NF2: variants seen among roughly 807,000 people sequenced by gnomAD.
NF2 encodes merlin.
In NF2, 8 loss-of-function variants were observed where a neutral mutation model predicts 83.7. The ratio of observed to expected loss-of-function variants is 0.10; its 90% CI spans 0.06 to 0.17. The LOEUF (loss-of-function observed/expected upper bound fraction) is 0.17. Among genes scored for constraint, NF2 ranks in the 10% least tolerant of loss-of-function variants. The pLI is 1.00. For missense variants in NF2, 533 were observed against 744.4 expected, an observed-to-expected ratio of 0.72 and a Z score of 3.31; for synonymous variants, 266 against 269.6, an observed-to-expected ratio of 0.99 and a Z score of 0.13.
chr22:29,622,315 C>A (rs2065235416), intron 1 of NF2, among the ~76,000 whole-genome samples: 1 of 152,172 alleles, frequency 6.6e-6, no homozygotes, highest in African/African-American at 2.4e-5. Context: ...CATTTTGAAT[C>A]AAGTGGACAT....
intron 15 of NF2, among the ~76,000 whole-genome samples, chr22:29,684,534 A>AT (rs1314225494): frequency 6.6e-6 from 1 of 152,224 alleles, no homozygotes; most frequent in Admixed American, 6.5e-5. Flanking sequence ...CAGGGTCCTG[A>AT]TTTTGACTGT....
intron 15 of NF2, chr22:29,682,929 C>G (rs1270837166): frequency 7.5e-6 from 11 of 1,467,938 alleles, no homozygotes; most frequent in Non-Finnish European, 1.0e-5. Flanking sequence ...CGATTTCAGG[C>G]CTATCCAAGC....
chr22:29,611,047 T>A (rs567959220), intron 1 of NF2, among the ~76,000 whole-genome samples: 2 of 152,202 alleles, frequency 1.3e-5, no homozygotes, highest in Non-Finnish European at 2.9e-5. Flanking sequence ...AATAATGTAA[T>A]GCATTATATC....
intron 14 of NF2, among the ~76,000 whole-genome samples, chr22:29,678,733 A>G (rs1295698785): frequency 1.3e-5 from 2 of 152,174 alleles, no homozygotes; most frequent in Non-Finnish European, 2.9e-5. Context: ...TGTCTAGAAC[A>G]AACAAAGGTG....
intron 13 of NF2, among the ~76,000 whole-genome samples, chr22:29,676,963 G>A (rs943530192): frequency 1.3e-5 from 2 of 152,180 alleles, no homozygotes; most frequent in Non-Finnish European, 2.9e-5. Flanking sequence ...ACCCAGATCA[G>A]AAAACAGGAC....
chr22:29,665,053 G>A lies in NF2; in HGVS notation c.874G>A (p.Val292Ile), dbSNP rs1442581021. Reference sequence around the variant, plus strand: ...CAAGTTTAACTCCTCAAAGCTTCGTGTTAATAAGCTGGTAAGTTGAGATCC... The same window carrying A: ...CAAGTTTAACTCCTCAAAGCTTCGTATTAATAAGCTGGTAAGTTGAGATCC... ...VFKFNSSKLR[V>I]NKLILQLCIG... The change falls in exon 9 of 16, where the codon GTT becomes ATT. Residue 292 changes from valine (V) to isoleucine (I), a missense_variant. This residue lies in a region of NF2 where 326 missense variants were observed against 475.1 expected (regional missense o/e 0.69). Coordinates refer to ENST00000338641, the MANE Select transcript of NF2 (RefSeq NM_000268.4). The A allele has an allele frequency of 5.0e-6, 8 of 1,612,894 alleles. No homozygotes were observed. The highest frequency in any genetic ancestry group is 6.8e-6 in the Non-Finnish European group (8 of 1,178,998).
At chr22:29,637,842 G>T (rs989987172) in intron 2 of NF2, among the ~76,000 whole-genome samples, 2 of 152,176 alleles carry the variant, frequency 1.3e-5, no homozygotes, top group Non-Finnish European at 2.9e-5. Flanking sequence ...AGTGCCACTG[G>T]GGGCCACTGT....
chr22:29,635,798 T>A (rs1187387226), intron 1 of NF2, among the ~76,000 whole-genome samples: 1 of 152,210 alleles, frequency 6.6e-6, no homozygotes, highest in Non-Finnish European at 1.5e-5. Context: ...ATTTCTATGA[T>A]GCATCTCATA....
chr22:29,616,658 C>T (rs2065088618), intron 1 of NF2, among the ~76,000 whole-genome samples: 1 of 151,620 alleles, frequency 6.6e-6, no homozygotes, highest in African/African-American at 2.4e-5. Flanking sequence ...AGGAGAATCA[C>T]TTGAACCTGG....
intron 13 of NF2, among the ~76,000 whole-genome samples, chr22:29,676,066 T>C (rs1229997161): frequency 2.6e-5 from 4 of 152,186 alleles, no homozygotes; most frequent in Non-Finnish European, 4.4e-5. Context: ...GCTGGGGATC[T>C]CTCTGGTGGT....
chr22:29,677,583 TGG>T (rs35161712), intron 13 of NF2, among the ~76,000 whole-genome samples: 45,791 of 150,770 alleles, frequency 0.3, 7,264 homozygotes, highest in Non-Finnish European at 0.36. Flanking sequence ...GGTGGGCCGG[TGG>T]GGAGCCCTTT....
chr22:29,652,568 G>T (rs541875056), intron 4 of NF2, among the ~76,000 whole-genome samples: 1 of 152,296 alleles, frequency 6.6e-6, no homozygotes, highest in African/African-American at 2.4e-5. Context: ...TCCCAAAAGT[G>T]CTGGGATTAC....
intron 8 of NF2, among the ~76,000 whole-genome samples, chr22:29,664,036 T>C (rs2066547443): frequency 6.6e-6 from 1 of 152,232 alleles, no homozygotes; most frequent in Non-Finnish European, 1.5e-5. Flanking sequence ...TTGATTCTAT[T>C]AACAGCTTTT....
Position 29,696,761 on chromosome 22 carries a change from C to A in NF2, c.*1959C>A, listed in dbSNP as rs887303163. 1 of 204,566 alleles carries A rather than the reference C, an allele frequency of 4.9e-6. No individual in the cohort carries two copies. The highest frequency in any genetic ancestry group is 7.2e-5 in the East Asian group (1 of 13,812). The allele number at this position is 204,566 out of a possible 1,614,324, so 12.7% of individuals were successfully genotyped here. ...CCCAGCCAGGAGCGGAAGCTTCAGG[C>A]GTTTGTAAAGTGAGGTCTGGCTCTG... On this transcript the variant is annotated 3_prime_UTR_variant, in exon 16 of 16. Coordinates refer to ENST00000338641, the MANE Select transcript of NF2 (RefSeq NM_000268.4).
chr22:29,638,983 T>C, intron 2 of NF2, 107 bp from the exon 3 acceptor site: 2 of 1,518,410 alleles, frequency 1.3e-6, no homozygotes. Context: ...ATGTGATAAA[T>C]TTAGTGGGAA....
chr22:29,618,694 T>C (rs1289390135), intron 1 of NF2, among the ~76,000 whole-genome samples: 1 of 152,266 alleles, frequency 6.6e-6, no homozygotes, highest in Non-Finnish European at 1.5e-5. Flanking sequence ...TAAGAGATCC[T>C]AATACTATCT....
Position 29,678,277 on chromosome 22 carries a change from A to G in NF2, c.1528A>G (p.Lys510Glu). ...LIGDSLSFDF[K>E]DTDMKRLSME... ...TGGTGACAGCCTGTCTTTCGACTTC[A>G]AAGATACTGACATGAAGCGGCTTTC... The change falls in exon 14 of 16, where the codon AAA (lysine) becomes GAA (glutamate). Residue 510 changes from lysine (K) to glutamate (E), a missense_variant. Lys to Glu is a moderately conservative substitution (Grantham distance 56). Around this residue, in one of 3 missense-constraint regions of NF2, gnomAD observed 199 missense variants for 240.7 expected, o/e 0.83. Transcript: ENST00000338641. 6.2e-7 allele frequency: 1 copy of G among 1,614,120 alleles called. No homozygotes were observed. Among genetic ancestry groups the G allele is most frequent in the Non-Finnish European group, 8.5e-7 (1 of 1,180,000 alleles).
At chr22:29,613,931 G>A (rs2065018270) in intron 1 of NF2, among the ~76,000 whole-genome samples, 1 of 150,646 alleles carries the variant, frequency 6.6e-6, no homozygotes, top group Non-Finnish European at 1.5e-5. Flanking sequence ...GCTAATTTTT[G>A]TATTTTTAGT....
chr22:29,611,085 G>C (rs1173448207), intron 1 of NF2, among the ~76,000 whole-genome samples: 1 of 152,166 alleles, frequency 6.6e-6, no homozygotes, highest in Non-Finnish European at 1.5e-5. Flanking sequence ...AAATCACCTT[G>C]TCATCTCAGT....
Sources: allele counts gnomAD v4.1 joint callset (sites outside exome capture counted in the v4.1 genomes callset), GRCh38; gene constraint gnomAD v4.1.1; regional missense constraint gnomAD v4.1.1; transcripts MANE v1.5; gene names NCBI Gene and HGNC (gene_info 2026-07-23, HGNC 2026-07-21).